Variants in RPF2 observed in about 807,000 individuals in gnomAD.
RPF2 encodes ribosome production factor 2 homolog.
RPF2 carries 21 observed loss-of-function variants against 38.9 expected under a neutral mutation model. The observed-to-expected ratio is 0.54, with a 90% CI of 0.38 to 0.78. The LOEUF is 0.78. RPF2 is among the 30% of genes least tolerant of loss of function. The pLI is 0.00. For synonymous variants in RPF2, 121 were observed against 126.2 expected, an observed-to-expected ratio of 0.96 and a Z score of 0.28; for missense variants, 314 against 358.1, an observed-to-expected ratio of 0.88 and a Z score of 0.99.
At chr6:111,019,324 C>T (rs6922215) in intron 8 of RPF2, among the ~76,000 whole-genome samples, 18,109 of 152,108 alleles carry the variant, frequency 0.12, 1,680 homozygotes, top group East Asian at 0.52. Flanking sequence ...CCTATAATCC[C>T]GGCTACTCAG....
chr6:110,988,364 C>G (rs1454912780), intron 2 of RPF2, among the ~76,000 whole-genome samples: 1 of 151,926 alleles, frequency 6.6e-6, no homozygotes, highest in Non-Finnish European at 1.5e-5. Context: ...GTTTTCTGAT[C>G]TCCACGCAAC....
intron 3 of RPF2, among the ~76,000 whole-genome samples, chr6:110,989,288 A>G (rs1011454655): frequency 2.6e-5 from 4 of 152,128 alleles, no homozygotes; most frequent in African/African-American, 9.7e-5. Flanking sequence ...TGAAATACAG[A>G]TTTACAGAAA....
chr6:111,023,096 C>T (rs1277614166), intron 8 of RPF2, among the ~76,000 whole-genome samples: 1 of 152,182 alleles, frequency 6.6e-6, no homozygotes, highest in Non-Finnish European at 1.5e-5. Context: ...GATGAGGTTT[C>T]ACCATGTTGG....
chr6:111,013,749 A>G lies in RPF2; in HGVS notation c.494-2005A>G, dbSNP rs569128100. On this transcript the variant is annotated intron_variant, in intron 7 of 9. Transcript: ENST00000441448. ...ATGAGTGAGCTTTATTAACTTGGCC[A>G]CTGAAGGAGAGTCAGGCTTTGGCAA... Among the ~76,000 whole-genome samples the G allele has an allele frequency of 3.3e-5, 5 of 152,314 alleles. No homozygotes were observed. In the East Asian group the frequency reaches 9.6e-4, roughly 29 times the overall value.
intron 2 of RPF2, among the ~76,000 whole-genome samples, chr6:110,986,555 A>G (rs564668875): frequency 2.0e-4 from 30 of 152,328 alleles, no homozygotes; most frequent in Middle Eastern, 3.4e-3. Flanking sequence ...CATGTAATTT[A>G]AGTAATGAAA....
At chr6:110,997,538 C>T (rs533578724) in intron 5 of RPF2, among the ~76,000 whole-genome samples, 7 of 152,066 alleles carry the variant, frequency 4.6e-5, no homozygotes, top group Non-Finnish European at 7.4e-5. Flanking sequence ...GCCAGGAGTT[C>T]GAGACCAGCC....
At chr6:111,007,814 G>C (rs1771938467) in intron 6 of RPF2, among the ~76,000 whole-genome samples, 1 of 152,064 alleles carries the variant, frequency 6.6e-6, no homozygotes, top group Admixed American at 6.6e-5. Flanking sequence ...AGGCATGGTG[G>C]TGTGCACCTG....
In RPF2 at chr6:110,985,022, A is replaced by G; in HGVS notation, c.40A>G (p.Arg14Gly). The change falls in exon 2 of 10, where the codon AGA (arginine) becomes GGA (glycine). Residue 14 changes from arginine (R) to glycine (G), a missense_variant. By Grantham distance (125) the Arg-to-Gly change is moderately radical (BLOSUM62 -2). Coordinates refer to ENST00000441448, the MANE Select transcript of RPF2 (RefSeq NM_032194.3). ...TCTGAACAGAAAGCCCAAAACGAAA[A>G]GAGCCAAGAGATTCCTTGAGAAGAG... ...LDRVVKPKTK[R>G]AKRFLEKREP... 1.2e-6 allele frequency: 2 copies of G among 1,611,758 alleles called. No individual in the cohort carries two copies. The highest frequency in any genetic ancestry group is 1.7e-6 in the Non-Finnish European group (2 of 1,179,704).
intron 5 of RPF2, 61 bp downstream of exon 5, chr6:110,997,325 A>G (rs1440056907): frequency 6.1e-6 from 6 of 988,328 alleles, no homozygotes; most frequent in Non-Finnish European, 9.5e-6. Flanking sequence ...GCAGCAGCGA[A>G]TTCATACGGG....
rs530150294 is a variant in RPF2, at chr6:111,026,548, G to A, written c.*966G>A. 2.2e-4 allele frequency: 34 copies of A among 152,384 alleles called. No individual in the cohort carries two copies. Among genetic ancestry groups the A allele is most frequent in the African/African-American group, 7.2e-4 (30 of 41,556 alleles). 9.4% of individuals were successfully genotyped at this position (152,384 alleles called of 1,614,324 possible). The stretch of plus-strand genomic sequence containing the variant: ...GCAGAAATGAAAAAGGAGAAAACAG[G>A]TGAGTTTTAAGGTGCAGGGCACTTT... On this transcript the variant is annotated 3_prime_UTR_variant, in exon 10 of 10. Transcript: ENST00000441448.
chr6:111,015,696 TA>T, intron 7 of RPF2, 57 bp from the exon 8 acceptor site: 1 of 1,191,910 alleles, frequency 8.4e-7, no homozygotes, highest in Non-Finnish European at 1.2e-6. Context: ...CAGTTCTTTG[TA>T]ACTGAATTTT....
intron 9 of RPF2, among the ~76,000 whole-genome samples, chr6:111,024,869 C>T (rs756644743): frequency 9.9e-5 from 15 of 152,142 alleles, no homozygotes; most frequent in Admixed American, 2.6e-4. Context: ...TAAGTGCCTT[C>T]TGATAGTCAA....
intron 2 of RPF2, 61 bp from the exon 3 acceptor site, chr6:110,988,967 A>AT: frequency 6.4e-7 from 1 of 1,556,220 alleles, no homozygotes; most frequent in Non-Finnish European, 8.7e-7. Flanking sequence ...ATGATGCTTT[A>AT]TTTTTATTTC....
chr6:110,994,527 G>A (rs139139834), intron 4 of RPF2, among the ~76,000 whole-genome samples: 6 of 151,990 alleles, frequency 3.9e-5, no homozygotes, highest in African/African-American at 1.4e-4. Flanking sequence ...TGAGGTTATA[G>A]TGAGCCATGA....
intron 5 of RPF2, 82 bp downstream of exon 5, chr6:110,997,346 C>T (rs1771733633): frequency 3.8e-6 from 3 of 787,142 alleles, no homozygotes; most frequent in Non-Finnish European, 6.5e-6. Flanking sequence ...TCTGCAGCAA[C>T]TTGGTTCTTG....
chr6:111,000,046 G>GTTT (rs1771787129), intron 6 of RPF2, among the ~76,000 whole-genome samples: 1 of 151,456 alleles, frequency 6.6e-6, no homozygotes, highest in Non-Finnish European at 1.5e-5. Flanking sequence ...CTAGGCCATA[G>GTTT]TTTTTTTATT....
rs1159914642 is a variant in RPF2, at chr6:111,027,182, C to T, written c.*1600C>T. ...GCAAAAGTTCGAGCCTCAGCTTTAC[C>T]TTCTACCCTTTCCCTTCTCTTTTGA... On this transcript the variant is annotated 3_prime_UTR_variant, in exon 10 of 10. Coordinates refer to ENST00000441448, the MANE Select transcript of RPF2 (RefSeq NM_032194.3). The T allele has an allele frequency of 6.6e-6, 1 of 152,216 alleles. No homozygotes were observed. Among genetic ancestry groups the T allele is most frequent in the Non-Finnish European group, 1.5e-5 (1 of 68,074 alleles). The allele number at this position is 152,216 out of a possible 1,614,324, so 9.4% of individuals were successfully genotyped here. A position where few individuals can be genotyped will look rare whatever the true frequency, so the allele number is the denominator to read the frequency against.
chr6:111,015,784 T>C lies in RPF2; in HGVS notation c.524T>C (p.Ile175Thr), dbSNP rs765543807. 2 of 1,612,646 alleles carry C rather than the reference T, an allele frequency of 1.2e-6. No homozygotes were observed. The highest frequency in any genetic ancestry group is 1.7e-6 in the Non-Finnish European group (2 of 1,178,850). The change falls in exon 8 of 10, where the codon ATC becomes ACC. Residue 175 changes from isoleucine to threonine, a missense_variant. Coordinates refer to ENST00000441448, the MANE Select transcript of RPF2 (RefSeq NM_032194.3). Reference protein sequence around the residue: ...DFFRGPTVSNIRLAGLEYVLH... With the variant: ...DFFRGPTVSNTRLAGLEYVLH... ...TTCAGAGGCCCCACAGTATCAAATA[T>C]CCGCCTGGCTGGATTAGAGTATGTT...
At chr6:110,990,573 CA>C (rs1427193337) in intron 3 of RPF2, among the ~76,000 whole-genome samples, 4,408 of 88,442 alleles carry the variant, frequency 0.05, 84 homozygotes, top group Middle Eastern at 0.064. Flanking sequence ...CCCCCCCCCC[CA>C]CCTTTTCTTT....
Sources: allele counts gnomAD v4.1 joint callset (sites outside exome capture counted in the v4.1 genomes callset), GRCh38; gene constraint gnomAD v4.1.1; transcripts MANE v1.5; gene names NCBI Gene and HGNC (gene_info 2026-07-23, HGNC 2026-07-21).